HTR6: variants seen among roughly 807,000 people sequenced by gnomAD.
HTR6 encodes the protein 5-hydroxytryptamine receptor 6, also known as 5-hydroxytryptamine (serotonin) receptor 6, G protein-coupled.
A neutral mutation model predicts 17.4 loss-of-function variants in HTR6; 15 were observed. The ratio of observed to expected loss-of-function variants is 0.86; its 90% CI spans 0.58 to 1.33. The LOEUF is 1.33. Ranked by LOEUF, HTR6 falls within the 40% of genes most tolerant of loss-of-function variation. The pLI is 0.00. For synonymous variants in HTR6, 326 were observed against 295.5 expected, an observed-to-expected ratio of 1.10 and a Z score of -1.06; for missense variants, 578 against 616.0, an observed-to-expected ratio of 0.94 and a Z score of 0.65.
chr1:19,680,911 TC>T lies in HTR6; in HGVS notation c.*1547del, dbSNP rs2095101733. ...GAGGGGCCATGGTGCTTGCGGGGCT[TC>T]CCCTATCCCCCAGGTCTGCCCAAGG... On this transcript the variant is annotated 3_prime_UTR_variant, in exon 3 of 3. Coordinates refer to ENST00000289753, the MANE Select transcript of HTR6 (RefSeq NM_000871.3). 6.6e-6 allele frequency among the ~76,000 whole-genome samples: 1 copy of T among 152,088 alleles called. No homozygotes were observed. Among genetic ancestry groups the T allele is most frequent in the African/African-American group, 2.4e-5 (1 of 41,416 alleles).
intron 1 of HTR6, among the ~76,000 whole-genome samples, chr1:19,674,407 T>TC (rs1012042983): frequency 7.8e-5 from 6 of 76,688 alleles, no homozygotes; most frequent in African/African-American, 1.6e-4. Flanking sequence ...CACTCTTCTC[T>TC]TTTTTTTTTT....
chr1:19,678,853 A>C (rs8192532), intron 2 of HTR6, 66 bp from the exon 3 acceptor site: 227,959 of 1,557,604 alleles, frequency 0.15, 18,104 homozygotes, highest in African/African-American at 0.26. Context: ...TCTGCTCCAT[A>C]CATGCTGGGA....
At position 19,680,348 on chromosome 1, in the gene HTR6, C is replaced by G. The variant is rs1407052017; in HGVS notation, c.*980C>G. ...CAGCCCTGGCCTAGCCTCCCAAAGC[C>G]TGACTCTGGTTCCCCAACTCCCTGT... On this transcript the variant is annotated 3_prime_UTR_variant, in exon 3 of 3. Coordinates refer to ENST00000289753, the MANE Select transcript of HTR6 (RefSeq NM_000871.3). 6.6e-6 allele frequency among the ~76,000 whole-genome samples: 1 copy of G among 152,208 alleles called. No individual in the cohort carries two copies. The highest frequency in any genetic ancestry group is 1.5e-5 in the Non-Finnish European group (1 of 68,040).
In HTR6 at chr1:19,680,904, C is replaced by T. The variant is rs1301203266; in HGVS notation, c.*1536C>T. The stretch of plus-strand genomic sequence containing the variant: ...GGCCTCTGAGGGGCCATGGTGCTTG[C>T]GGGGCTTCCCCTATCCCCCAGGTCT... On this transcript the variant is annotated 3_prime_UTR_variant, in exon 3 of 3. Coordinates refer to ENST00000289753, the MANE Select transcript of HTR6 (RefSeq NM_000871.3). Among the ~76,000 whole-genome samples the T allele has an allele frequency of 6.6e-5, 10 of 152,284 alleles. No individual in the cohort carries two copies. The South Asian group carries it at 8.3e-4, about 13-fold the overall frequency.
chr1:19,668,045 C>T (rs2095083722), intron 1 of HTR6, among the ~76,000 whole-genome samples: 1 of 152,198 alleles, frequency 6.6e-6, no homozygotes, highest in South Asian at 2.1e-4. Context: ...GGGTGAGGCC[C>T]AAAGTTGCCC....
At chr1:19,677,732 A>G (rs988856345) in intron 1 of HTR6, among the ~76,000 whole-genome samples, 1 of 152,064 alleles carries the variant, frequency 6.6e-6, no homozygotes, top group South Asian at 2.1e-4. Flanking sequence ...TTCAATTGCA[A>G]TTGATTTTGT....
intron 1 of HTR6, among the ~76,000 whole-genome samples, chr1:19,674,698 G>C (rs902150677): frequency 1.3e-5 from 2 of 152,232 alleles, no homozygotes; most frequent in African/African-American, 4.8e-5. Context: ...GAGCCACTGT[G>C]CCCAGCCTAA....
rs1243719376 is a variant in HTR6 at position 19,679,224 on chromosome 1, G to T, written c.1179G>T (p.Arg393=). ...DAGSGGSSGL[R]LTAQLLLPGE... The stretch of plus-strand genomic sequence containing the variant: ...GCTCAGGCGGCTCCTCGGGCCTGCG[G>T]CTCACGGCCCAGCTGCTGCTTCCTG... Residue 393 remains arginine (R), a synonymous_variant, in exon 3 of 3, where the codon CGG becomes CGT. Transcript: ENST00000289753. The surrounding 1 kb of genome is among the most constrained non-coding windows in gnomAD (Gnocchi z 4.9). The T allele has an allele frequency of 1.0e-5, 16 of 1,570,866 alleles. No homozygotes were observed. Among genetic ancestry groups the T allele is most frequent in the Non-Finnish European group, 1.4e-5 (16 of 1,160,848 alleles).
At chr1:19,674,233 G>T (rs1557428970) in intron 1 of HTR6, among the ~76,000 whole-genome samples, 1 of 152,058 alleles carries the variant, frequency 6.6e-6, no homozygotes, top group Non-Finnish European at 1.5e-5. Context: ...GGTGCTTTGT[G>T]TTGGATATTG....
Position 19,678,773 on chromosome 1 carries a change from C to T in HTR6, c.873+48C>T, listed in dbSNP as rs995960608. Reference sequence around the variant, plus strand: ...GTGAGTCCGGCCCTTGCAGGAGAGGCCCTGGATCCCAGCCCAGGCATGGGG... The same window carrying T: ...GTGAGTCCGGCCCTTGCAGGAGAGGTCCTGGATCCCAGCCCAGGCATGGGG... On this transcript the variant is annotated intron_variant, in intron 2 of 2. Transcript: ENST00000289753. The T allele has an allele frequency of 3.2e-6, 5 of 1,579,668 alleles. No individual in the cohort carries two copies. In the African/African-American group the frequency reaches 5.4e-5, roughly 17 times the overall value.
intron 1 of HTR6, among the ~76,000 whole-genome samples, chr1:19,667,494 C>A (rs2095083022): frequency 6.6e-6 from 1 of 152,062 alleles, no homozygotes. Flanking sequence ...TGGCTCACTG[C>A]AACCTCTGCC....
chr1:19,674,453 C>T (rs1477480647), intron 1 of HTR6, among the ~76,000 whole-genome samples: 1 of 146,922 alleles, frequency 6.8e-6, no homozygotes, highest in East Asian at 2.0e-4. Flanking sequence ...GTCACCCAGG[C>T]TGGAGTGTGG....
In HTR6 at chr1:19,666,686, T is replaced by C. The variant is rs1451056532; in HGVS notation, c.714+219T>C. On this transcript the variant is annotated intron_variant, in intron 1 of 2. Coordinates refer to ENST00000289753, the MANE Select transcript of HTR6 (RefSeq NM_000871.3). The surrounding 1 kb of genome is among the most constrained non-coding windows in gnomAD (Gnocchi z 4.5). ...GGGGGCAGGCTTCTCCCAGGTACCA[T>C]GTACAACAGGGAATTTATGGTGGCC... is the stretch of plus-strand genomic sequence containing the variant. 2.6e-5 allele frequency among the ~76,000 whole-genome samples: 4 copies of C among 152,012 alleles called. No homozygotes were observed. Among genetic ancestry groups the C allele is most frequent in the Non-Finnish European group, 4.4e-5 (3 of 67,994 alleles).
In HTR6 at chr1:19,679,131, C is replaced by A. The variant is rs537784523; in HGVS notation, c.1086C>A (p.Pro362=). The A allele has an allele frequency of 6.2e-7, 1 of 1,610,632 alleles. No individual in the cohort carries two copies. Residue 362 remains proline, a synonymous_variant, in exon 3 of 3, where the codon CCC becomes CCA. Transcript: ENST00000289753. The surrounding 1 kb of genome is among the most constrained non-coding windows in gnomAD (Gnocchi z 4.9). ...GCACCTCTCACAGCGGCCCCCGGCC[C>A]GGCCTTAGCCTACAGCAGGTGCTGC... ...SLRTSHSGPR[P]GLSLQQVLPL... is the part of the protein sequence containing the mutation.
At chr1:19,672,850 C>T (rs188966113) in intron 1 of HTR6, among the ~76,000 whole-genome samples, 54 of 152,122 alleles carry the variant, frequency 3.5e-4, no homozygotes, top group Middle Eastern at 3.4e-3. Flanking sequence ...GGCAACATAG[C>T]GAGCTCCTGT....
At position 19,665,328 on chromosome 1, in the gene HTR6, T is replaced by G. The variant is rs2100465766; in HGVS notation, c.-426T>G. 9.9e-5 allele frequency: 14 copies of G among 141,544 alleles called. No homozygotes were observed. Among genetic ancestry groups the G allele is most frequent in the Non-Finnish European group, 1.5e-4 (10 of 66,554 alleles). The allele number at this position is 141,544 out of a possible 1,614,324, so 8.8% of individuals were successfully genotyped here. ...CACCCCCCTCACCCACCTCCCCGCG[T>G]TCCCACTTCCCCGCACTCTGACCCG... On this transcript the variant is annotated 5_prime_UTR_variant, in exon 1 of 3. Transcript: ENST00000289753. The surrounding 1 kb of genome is among the most constrained non-coding windows in gnomAD (Gnocchi z 4.2).
chr1:19,679,018 C>T lies in HTR6; in HGVS notation c.973C>T (p.Arg325Trp), dbSNP rs773507179. Residue 325 changes from arginine (R) to tryptophan (W), a missense_variant, in exon 3 of 3, where the codon CGG (arginine) becomes TGG (tryptophan). Coordinates refer to ENST00000289753, the MANE Select transcript of HTR6 (RefSeq NM_000871.3). This position sits in a 1 kb window ranked among gnomAD's most constrained non-coding sequence, Gnocchi z 4.9. ...CCCCATCATCTACCCACTCTTCATG[C>T]GGGACTTCAAGCGGGCGCTGGGCAG... ...MNPIIYPLFM[R>W]DFKRALGRFL... The T allele has an allele frequency of 3.5e-5, 56 of 1,614,050 alleles. No individual in the cohort carries two copies. The highest frequency in any genetic ancestry group is 4.2e-5 in the Non-Finnish European group (49 of 1,180,014).
chr1:19,672,680 G>A (rs967487297), intron 1 of HTR6, among the ~76,000 whole-genome samples: 3 of 152,176 alleles, frequency 2.0e-5, no homozygotes, highest in Admixed American at 6.5e-5. Flanking sequence ...TATCACACAA[G>A]TCTGTTTGAA....
rs148061276 is a variant in HTR6, at chr1:19,680,462, G to A, written c.*1094G>A. Among the ~76,000 whole-genome samples the A allele has an allele frequency of 1.4e-3, 217 of 152,312 alleles. No homozygotes were observed. The highest frequency in any genetic ancestry group is 2.6e-3 in the Non-Finnish European group (174 of 68,016). On this transcript the variant is annotated 3_prime_UTR_variant, in exon 3 of 3. Coordinates refer to ENST00000289753, the MANE Select transcript of HTR6 (RefSeq NM_000871.3). Reference sequence around the variant, plus strand: ...CCTTTCCTGGGGGCAAAAGGGGCAGGTGGCAGTTTCTTTTTCAGCCTCAGA... The same window carrying A: ...CCTTTCCTGGGGGCAAAAGGGGCAGATGGCAGTTTCTTTTTCAGCCTCAGA...
Sources: gnomAD v4.1 joint callset for allele counts (sites outside exome capture counted in the v4.1 genomes callset) on GRCh38, gnomAD v4.1.1 for gene constraint, Gnocchi (gnomAD v3.1) non-coding constraint, MANE v1.5 for transcripts, NCBI Gene and HGNC (gene_info 2026-07-23, HGNC 2026-07-21) for gene names.